SLC9A9: variants seen among roughly 807,000 people sequenced by gnomAD.
SLC9A9 encodes solute carrier family 9 member A9.
A neutral mutation model predicts 77.8 loss-of-function variants in SLC9A9; 62 were observed. That is an observed-to-expected ratio of 0.80 (90% CI 0.65 to 0.98). The LOEUF (loss-of-function observed/expected upper bound fraction) is 0.98. Among genes scored for constraint, SLC9A9 ranks in the 50% least tolerant of loss-of-function variants. The pLI, the probability that SLC9A9 is intolerant of heterozygous loss-of-function variation, is 0.00. For missense variants in SLC9A9, 775 were observed against 774.9 expected (o/e 1.00, Z 0.00); for synonymous variants, 320 against 283.5 (o/e 1.13, Z -1.29).
At chr3:143,308,302 C>G (rs570476822) in intron 14 of SLC9A9, among the ~76,000 whole-genome samples, 1 of 152,122 alleles carries the variant, frequency 6.6e-6, no homozygotes, top group Non-Finnish European at 1.5e-5. Context: ...TTCAGCCAGG[C>G]GTGGTGGCTC....
intron 14 of SLC9A9, 27 bp from the exon 15 acceptor site, chr3:143,269,007 T>C: frequency 6.6e-7 from 1 of 1,509,556 alleles, no homozygotes; most frequent in Non-Finnish European, 9.2e-7. Context: ...GGAATACTTG[T>C]CAACAGGGAG....
intron 12 of SLC9A9, among the ~76,000 whole-genome samples, chr3:143,412,064 C>T (rs150380287): frequency 1.3e-5 from 2 of 152,246 alleles, no homozygotes; most frequent in East Asian, 1.9e-4. Context: ...CATCAAATTC[C>T]ACACCCTGTA....
At chr3:143,503,016 T>A (rs985557573) in intron 9 of SLC9A9, among the ~76,000 whole-genome samples, 1 of 152,342 alleles carries the variant, frequency 6.6e-6, no homozygotes, top group East Asian at 1.9e-4. Flanking sequence ...AGCATTACAA[T>A]AAATGCTATT....
intron 14 of SLC9A9, among the ~76,000 whole-genome samples, chr3:143,343,872 G>C (rs2108466746): frequency 6.6e-6 from 1 of 152,194 alleles, no homozygotes. Flanking sequence ...TAACACCCAG[G>C]TATAGTGATC....
At chr3:143,501,390 G>C (rs903568813) in intron 9 of SLC9A9, among the ~76,000 whole-genome samples, 2 of 150,684 alleles carry the variant, frequency 1.3e-5, no homozygotes, top group East Asian at 3.8e-4. Context: ...TAATTATAAT[G>C]AGGATAATTT....
intron 8 of SLC9A9, among the ~76,000 whole-genome samples, chr3:143,554,542 A>T (rs2036946705): frequency 6.6e-6 from 1 of 152,158 alleles, no homozygotes; most frequent in Non-Finnish European, 1.5e-5. Flanking sequence ...CTGGATTACA[A>T]CGATAGCTTC....
chr3:143,546,172 T>C (rs995928932), intron 9 of SLC9A9, among the ~76,000 whole-genome samples: 2 of 152,360 alleles, frequency 1.3e-5, no homozygotes, highest in East Asian at 3.9e-4. Flanking sequence ...ATCCTTTATT[T>C]GAATTTTCAG....
chr3:143,287,928 C>A (rs1434554200), intron 14 of SLC9A9, among the ~76,000 whole-genome samples: 1 of 152,116 alleles, frequency 6.6e-6, no homozygotes, highest in Non-Finnish European at 1.5e-5. Context: ...GGATGGTATT[C>A]TCCAGTAGAT....
At chr3:143,615,468 T>C (rs2038087994) in intron 6 of SLC9A9, among the ~76,000 whole-genome samples, 1 of 152,254 alleles carries the variant, frequency 6.6e-6, no homozygotes, top group Non-Finnish European at 1.5e-5. Flanking sequence ...CCCATGCCCT[T>C]ATGCCACTTG....
At chr3:143,407,534 T>TA (rs2034005512) in intron 12 of SLC9A9, among the ~76,000 whole-genome samples, 1 of 152,198 alleles carries the variant, frequency 6.6e-6, no homozygotes, top group Non-Finnish European at 1.5e-5. Context: ...AAAGAACATA[T>TA]CCATTATCCT....
intron 8 of SLC9A9, among the ~76,000 whole-genome samples, chr3:143,554,536 A>T (rs948364733): frequency 1.3e-5 from 2 of 152,172 alleles, no homozygotes; most frequent in African/African-American, 4.8e-5. Context: ...TTTGGCCTGG[A>T]TTACAACGAT....
intron 6 of SLC9A9, among the ~76,000 whole-genome samples, chr3:143,602,381 G>A (rs756914018): frequency 2.0e-5 from 3 of 152,290 alleles, no homozygotes; most frequent in African/African-American, 4.8e-5. Context: ...CTGGGTGAAC[G>A]TCCACCTCTT....
chr3:143,698,536 TA>T (rs755129250), intron 4 of SLC9A9, among the ~76,000 whole-genome samples: 6 of 152,288 alleles, frequency 3.9e-5, no homozygotes, highest in Non-Finnish European at 8.8e-5. Context: ...ACACTGATTT[TA>T]AATTTCATGA....
chr3:143,811,487 T>C (rs2008863202), intron 2 of SLC9A9, among the ~76,000 whole-genome samples: 1 of 152,172 alleles, frequency 6.6e-6, no homozygotes, highest in African/African-American at 2.4e-5. Flanking sequence ...CTAGAGTTGC[T>C]TCTGAGGATT....
chr3:143,323,878 A>G (rs1162311306), intron 14 of SLC9A9, among the ~76,000 whole-genome samples: 1 of 152,192 alleles, frequency 6.6e-6, no homozygotes, highest in Non-Finnish European at 1.5e-5. Flanking sequence ...GAGGATACTG[A>G]TATTTAAAAA....
At chr3:143,632,251 G>T (rs1054987608) in intron 6 of SLC9A9, among the ~76,000 whole-genome samples, 5 of 152,110 alleles carry the variant, frequency 3.3e-5, no homozygotes, top group African/African-American at 1.2e-4. Flanking sequence ...GGAGGCAGAT[G>T]ACTTAGAGGG....
At chr3:143,836,554 T>C (rs2108893099) in intron 1 of SLC9A9, among the ~76,000 whole-genome samples, 1 of 152,300 alleles carries the variant, frequency 6.6e-6, no homozygotes, top group South Asian at 2.1e-4. Context: ...ATAACTCTTA[T>C]ATAGCACATG....
At chr3:143,779,889 C>T (rs1382081532) in intron 4 of SLC9A9, among the ~76,000 whole-genome samples, 1 of 152,170 alleles carries the variant, frequency 6.6e-6, no homozygotes, top group African/African-American at 2.4e-5. Flanking sequence ...AAGCATGTGC[C>T]ATCCACAATA....
intron 9 of SLC9A9, among the ~76,000 whole-genome samples, chr3:143,525,761 T>C (rs548329778): frequency 6.6e-6 from 1 of 152,198 alleles, no homozygotes; most frequent in South Asian, 2.1e-4. Context: ...ATAATCAAAA[T>C]CCACAGGCTG....
Sources: gnomAD v4.1 joint callset for allele counts (sites outside exome capture counted in the v4.1 genomes callset) on GRCh38, gnomAD v4.1.1 for gene constraint, MANE v1.5 for transcripts, NCBI Gene and HGNC (gene_info 2026-07-23, HGNC 2026-07-21) for gene names.